AOAH: variants seen among roughly 807,000 people sequenced by gnomAD.
AOAH encodes acyloxyacyl hydrolase (neutrophil).
AOAH carries 64 observed loss-of-function variants against 92.2 expected under a neutral mutation model. The observed-to-expected ratio is 0.69, with a 90% confidence interval of 0.57 to 0.86. The LOEUF (loss-of-function observed/expected upper bound fraction) is 0.86, where lower values mean the gene tolerates loss of function less well. Ranked by LOEUF, AOAH falls within the 40% of genes least tolerant of loss-of-function variation. The probability of loss-of-function intolerance (pLI) is 0.00; values close to 1 mark genes in which losing one functional copy is unlikely to be tolerated. For missense variants in AOAH, 656 were observed against 694.6 expected (o/e 0.94, Z 0.62); for synonymous variants, 263 against 254.5 (o/e 1.03, Z -0.32).
At chr7:36,525,829 G>C (rs1008225218) in intron 19 of AOAH, among the ~76,000 whole-genome samples, 1 of 152,186 alleles carries the variant, frequency 6.6e-6, no homozygotes, top group Non-Finnish European at 1.5e-5. Flanking sequence ...AACCTATACT[G>C]TGTTTTCAAA....
intron 20 of AOAH, among the ~76,000 whole-genome samples, chr7:36,520,706 G>C (rs1442152209): frequency 1.8e-4 from 2 of 10,982 alleles, no homozygotes; most frequent in Non-Finnish European, 2.9e-4. Context: ...ACTCTGTCTC[G>C]AGAAAAAAAA....
intron 1 of AOAH, among the ~76,000 whole-genome samples, chr7:36,718,200 T>A (rs1799367439): frequency 6.6e-6 from 1 of 152,056 alleles, no homozygotes; most frequent in African/African-American, 2.4e-5. Context: ...AATAAGCACA[T>A]GAAAAGATGC....
At chr7:36,549,743 C>T (rs911943680) in intron 13 of AOAH, among the ~76,000 whole-genome samples, 1 of 152,118 alleles carries the variant, frequency 6.6e-6, no homozygotes, top group African/African-American at 2.4e-5. Flanking sequence ...CAGACATTTC[C>T]TAAGCATAAA....
intron 12 of AOAH, among the ~76,000 whole-genome samples, chr7:36,578,095 T>G (rs1216230526): frequency 3.9e-5 from 6 of 152,234 alleles, no homozygotes; most frequent in Non-Finnish European, 8.8e-5. Flanking sequence ...AAGTGTGAGA[T>G]TTTTGCTTTG....
intron 18 of AOAH, 151 bp downstream of exon 18, chr7:36,531,996 C>A (rs181843747): frequency 2.3e-6 from 2 of 856,788 alleles, no homozygotes; most frequent in African/African-American, 3.3e-5. Flanking sequence ...CAGGTTCTCT[C>A]GGCTCCTCAA....
intron 11 of AOAH, among the ~76,000 whole-genome samples, chr7:36,615,937 G>C (rs939041897): frequency 2.0e-5 from 3 of 151,652 alleles, no homozygotes; most frequent in Admixed American, 6.6e-5. Flanking sequence ...TTTGGGAATG[G>C]ATGGCGGGCT....
intron 6 of AOAH, among the ~76,000 whole-genome samples, chr7:36,630,111 A>G (rs558207290): frequency 6.6e-6 from 1 of 152,314 alleles, no homozygotes; most frequent in East Asian, 1.9e-4. Flanking sequence ...CCACCATTGG[A>G]AGCTAGGGAG....
intron 13 of AOAH, among the ~76,000 whole-genome samples, chr7:36,558,069 TAG>T (rs1284365047): frequency 6.6e-6 from 1 of 152,254 alleles, no homozygotes; most frequent in African/African-American, 2.4e-5. Context: ...CTCTGCTTTT[TAG>T]AGTTTCCAGT....
intron 12 of AOAH, among the ~76,000 whole-genome samples, chr7:36,584,151 G>A (rs62447209): frequency 0.023 from 3,566 of 152,198 alleles, 53 homozygotes; most frequent in Non-Finnish European, 0.035. Flanking sequence ...CATAGTGAAG[G>A]CTATAATAAG....
intron 3 of AOAH, among the ~76,000 whole-genome samples, chr7:36,664,798 C>T (rs1230067452): frequency 3.3e-5 from 5 of 152,156 alleles, no homozygotes; most frequent in African/African-American, 4.8e-5. Flanking sequence ...ACAAGCATGG[C>T]TCCAGCATCT....
At chr7:36,565,410 C>G (rs1787624239) in intron 13 of AOAH, among the ~76,000 whole-genome samples, 1 of 152,174 alleles carries the variant, frequency 6.6e-6, no homozygotes, top group African/African-American at 2.4e-5. Flanking sequence ...CTTTCCAATA[C>G]TCTTTTCTGC....
At chr7:36,604,814 T>G (rs1255593558) in intron 11 of AOAH, among the ~76,000 whole-genome samples, 1 of 152,250 alleles carries the variant, frequency 6.6e-6, no homozygotes, top group African/African-American at 2.4e-5. Flanking sequence ...TGACCACAGC[T>G]GAGCCCATAT....
At chr7:36,697,078 G>A (rs758439716) in intron 1 of AOAH, among the ~76,000 whole-genome samples, 6 of 151,954 alleles carry the variant, frequency 3.9e-5, no homozygotes, top group Non-Finnish European at 5.9e-5. Flanking sequence ...GTACAATGTT[G>A]ACTAGAAGTG....
At chr7:36,522,551 C>A (rs761222620) in intron 19 of AOAH, among the ~76,000 whole-genome samples, 36 of 152,256 alleles carry the variant, frequency 2.4e-4, no homozygotes, top group Middle Eastern at 6.8e-3. Context: ...AAAAATCATA[C>A]AGTATGTCAG....
Position 36,638,150 on chromosome 7 carries a change from A to G in AOAH, c.391-240T>C, listed in dbSNP as rs534313949. Among the ~76,000 whole-genome samples the G allele has an allele frequency of 8.7e-4, 133 of 152,294 alleles. 2 individuals are homozygous for G. Among genetic ancestry groups the G allele is most frequent in the Admixed American group, 2.3e-3 (35 of 15,296 alleles). ...GAAACATTATCTTATTTACTCTTCA[A>G]ACAGCCCTGTGAGATACGACCATTT... On this transcript the variant is annotated intron_variant, in intron 4 of 20. Coordinates refer to ENST00000617537, the MANE Select transcript of AOAH (RefSeq NM_001637.4).
intron 15 of AOAH, among the ~76,000 whole-genome samples, chr7:36,543,024 G>A (rs1014890130): frequency 6.6e-6 from 1 of 152,170 alleles, no homozygotes. Flanking sequence ...GGCAGTTATG[G>A]TTGGTGTATG....
chr7:36,635,668 C>T (rs566119772), intron 5 of AOAH, among the ~76,000 whole-genome samples: 1 of 152,194 alleles, frequency 6.6e-6, no homozygotes, highest in South Asian at 2.1e-4. Flanking sequence ...AAATGGTGCT[C>T]CCCAAAGTTT....
chr7:36,614,370 G>A lies in AOAH; in HGVS notation c.846+2010C>T, dbSNP rs912078001. On this transcript the variant is annotated intron_variant, in intron 11 of 20. Coordinates refer to ENST00000617537, the MANE Select transcript of AOAH (RefSeq NM_001637.4). This position sits in a 1 kb window ranked among gnomAD's most constrained non-coding sequence, Gnocchi z 4.2. ...ACCAGTGGGTCCCATGAGGTCCTTCGCTTAGAAAGGGCCCTGCACTGGGTT... is the reference window on the plus strand; with the variant it reads ...ACCAGTGGGTCCCATGAGGTCCTTCACTTAGAAAGGGCCCTGCACTGGGTT... Among the ~76,000 whole-genome samples, 5 of 152,190 alleles carry A rather than the reference G, an allele frequency of 3.3e-5. No homozygotes were observed. The highest frequency in any genetic ancestry group is 1.9e-4 in the East Asian group (1 of 5,206).
chr7:36,545,640 T>C (rs1021672565), intron 15 of AOAH, among the ~76,000 whole-genome samples: 5 of 152,172 alleles, frequency 3.3e-5, no homozygotes, highest in African/African-American at 7.2e-5. Context: ...TGAAAATGTA[T>C]AATTTATACT....
Sources: allele counts gnomAD v4.1 joint callset (sites outside exome capture counted in the v4.1 genomes callset), GRCh38; gene constraint gnomAD v4.1.1; non-coding constraint Gnocchi (gnomAD v3.1); transcripts MANE v1.5; gene names NCBI Gene and HGNC (gene_info 2026-07-23, HGNC 2026-07-21).